The following SH2D1B variants were observed in gnomAD, a reference collection of about 807,000 sequenced individuals.
SH2D1B encodes SH2 domain-containing protein 1B.
Under a neutral mutation model 16.3 loss-of-function variants are expected in SH2D1B, and 11 were observed. The observed-to-expected ratio is 0.67, with a 90% confidence interval of 0.42 to 1.11. The LOEUF (loss-of-function observed/expected upper bound fraction) is 1.11, where lower values mean the gene tolerates loss of function less well. Among genes scored for constraint, SH2D1B ranks in the 50% most tolerant of loss-of-function variants. SH2D1B has a pLI of 0.00. For missense variants in SH2D1B, 123 were observed against 153.1 expected, an observed-to-expected ratio of 0.80 and a Z score of 1.04; for synonymous variants, 55 against 56.1, an observed-to-expected ratio of 0.98 and a Z score of 0.09.
chr1:162,403,502 AAAAAAAAAAATATATATATATATATATAT>A (rs1648574384), intron 1 of SH2D1B, among the ~76,000 whole-genome samples: 1 of 44,302 alleles, frequency 2.3e-5, no homozygotes, highest in Non-Finnish European at 4.5e-5. Flanking sequence ...AAAAAAAAAA[AAAAAAAAAAATATATATATATATATATAT>A]ATATATATAT....
chr1:162,411,749 A>T, intron 1 of SH2D1B, 134 bp downstream of exon 1: 1 of 1,200,456 alleles, frequency 8.3e-7, no homozygotes, highest in Non-Finnish European at 1.2e-6. Flanking sequence ...GGCAGTGTCC[A>T]TTACTTCTCA....
In SH2D1B at chr1:162,399,010, C is replaced by T. The variant is rs748149409; in HGVS notation, c.276G>A (p.Gly92=). The change falls in exon 3 of 4, where the codon GGG becomes GGA. Residue 92 remains glycine (G), a synonymous_variant. Transcript: ENST00000367929. Reference sequence around the variant, plus strand: ...TTGGCTTTAAAAGGTGAACCACCATCCCCTGATTTGGTTTTTCAAATTTGG... The same window carrying T: ...TTGGCTTTAAAAGGTGAACCACCATTCCCTGATTTGGTTTTTCAAATTTGG... ...LISKFEKPNQ[G]MVVHLLKPIK... is the part of the protein sequence containing the mutation. The T allele has an allele frequency of 2.5e-6, 4 of 1,614,102 alleles. No individual in the cohort carries two copies. The South Asian group carries it at 4.4e-5, about 18-fold the overall frequency.
intron 1 of SH2D1B, among the ~76,000 whole-genome samples, chr1:162,407,266 G>C (rs1288586408): frequency 1.3e-5 from 2 of 152,152 alleles, no homozygotes; most frequent in Non-Finnish European, 2.9e-5. Flanking sequence ...TTAAAGCTGG[G>C]TGTCCAGGGG....
At chr1:162,407,010 C>T (rs1648666062) in intron 1 of SH2D1B, among the ~76,000 whole-genome samples, 2 of 152,230 alleles carry the variant, frequency 1.3e-5, no homozygotes, top group African/African-American at 4.8e-5. Context: ...AAAACATTTC[C>T]TGTCCACAGT....
chr1:162,405,178 C>A (rs1238806763), intron 1 of SH2D1B, among the ~76,000 whole-genome samples: 1 of 152,220 alleles, frequency 6.6e-6, no homozygotes, highest in East Asian at 1.9e-4. Context: ...TGACTACATA[C>A]TCTATGATTT....
chr1:162,412,061 C>G lies in SH2D1B; in HGVS notation c.-45G>C. On this transcript the variant is annotated 5_prime_UTR_variant, in exon 1 of 4. Coordinates refer to ENST00000367929, the MANE Select transcript of SH2D1B (RefSeq NM_053282.5). The stretch of plus-strand genomic sequence containing the variant: ...CAGGAAGCCCTGTTGGCCTGAAATT[C>G]ACCCCCAAGTCAAGGGACAGCTCTG... 1.9e-6 allele frequency: 3 copies of G among 1,611,942 alleles called. No individual in the cohort carries two copies. The highest frequency in any genetic ancestry group is 2.5e-6 in the Non-Finnish European group (3 of 1,178,450).
chr1:162,396,989 T>G lies in SH2D1B; in HGVS notation c.*291A>C. The G allele has an allele frequency of 2.6e-6, 1 of 386,814 alleles. No homozygotes were observed. Among genetic ancestry groups the G allele is most frequent in the Non-Finnish European group, 4.9e-6 (1 of 205,342 alleles). 24.0% of individuals were successfully genotyped at this position (386,814 alleles called of 1,614,324 possible). ...GTCCAAAGGAGGGTGTCAACCATGATGTAGGGTGGTACCTTTAACAAGTCA... is the reference window on the plus strand; with the variant it reads ...GTCCAAAGGAGGGTGTCAACCATGAGGTAGGGTGGTACCTTTAACAAGTCA... On this transcript the variant is annotated 3_prime_UTR_variant, in exon 4 of 4. Transcript: ENST00000367929.
rs560320150 is a variant in SH2D1B at position 162,409,366 on chromosome 1, A to G, written c.134+2517T>C. Among the ~76,000 whole-genome samples the G allele has an allele frequency of 2.0e-5, 3 of 152,292 alleles. No homozygotes were observed. In the South Asian group the frequency reaches 6.2e-4, roughly 32 times the overall value. On this transcript the variant is annotated intron_variant, in intron 1 of 3. Coordinates refer to ENST00000367929, the MANE Select transcript of SH2D1B (RefSeq NM_053282.5). ...CTTTTCACTTCCCTGCTCAGAAACC[A>G]TCCATGTTTCCCTGTTATCTATAGA... is the stretch of plus-strand genomic sequence containing the variant.
At chr1:162,402,705 GTGTTGT>G (rs769386626) in intron 2 of SH2D1B, 28 bp downstream of exon 2, 1 of 1,566,980 alleles carries the variant, frequency 6.4e-7, no homozygotes, top group East Asian at 2.2e-5. Flanking sequence ...CCCAACTTTT[GTGTTGT>G]TGTTGTTGTC....
At chr1:162,404,196 T>G (rs1412022755) in intron 1 of SH2D1B, among the ~76,000 whole-genome samples, 2 of 151,998 alleles carry the variant, frequency 1.3e-5, no homozygotes, top group Admixed American at 6.6e-5. Context: ...ATTTGCTGGG[T>G]GTGGTGGCAG....
At chr1:162,400,084 G>A (rs1648475042) in intron 2 of SH2D1B, among the ~76,000 whole-genome samples, 1 of 152,066 alleles carries the variant, frequency 6.6e-6, no homozygotes, top group Non-Finnish European at 1.5e-5. Context: ...GGGCATTTAG[G>A]TTGATTCCAT....
chr1:162,398,836 G>A (rs768913666), intron 3 of SH2D1B, 87 bp downstream of exon 3: 13 of 1,407,540 alleles, frequency 9.2e-6, no homozygotes, highest in Admixed American at 2.2e-5. Flanking sequence ...ACAGAAAAGA[G>A]CATTTGTCTG....
intron 1 of SH2D1B, 105 bp from the exon 2 acceptor site, chr1:162,402,907 A>C: frequency 1.0e-6 from 1 of 954,490 alleles, no homozygotes; most frequent in Non-Finnish European, 1.6e-6. Flanking sequence ...CAATCCTAAA[A>C]AAACTCTTTT....
intron 1 of SH2D1B, among the ~76,000 whole-genome samples, chr1:162,409,471 T>C (rs1462052663): frequency 6.6e-6 from 1 of 152,170 alleles, no homozygotes; most frequent in African/African-American, 2.4e-5. Context: ...TTAGGAACCT[T>C]GTATGTAAAT....
At chr1:162,401,944 AG>A (rs1285468211) in intron 2 of SH2D1B, among the ~76,000 whole-genome samples, 1 of 152,230 alleles carries the variant, frequency 6.6e-6, no homozygotes, top group Non-Finnish European at 1.5e-5. Context: ...TAAATTTAAA[AG>A]AAGCAAAATG....
chr1:162,402,645 T>G (rs1423548093), intron 2 of SH2D1B, 94 bp downstream of exon 2: 1 of 1,058,844 alleles, frequency 9.4e-7, no homozygotes, highest in African/African-American at 1.6e-5. Context: ...TTTAGAATGC[T>G]TTCGCACAGT....
Position 162,402,740 on chromosome 1 carries a change from T to C in SH2D1B, c.197A>G (p.Gln66Arg), listed in dbSNP as rs141838192. 1.9e-4 allele frequency: 302 copies of C among 1,612,878 alleles called. No homozygotes were observed. Among genetic ancestry groups the C allele is most frequent in the Non-Finnish European group, 2.5e-4 (294 of 1,178,972 alleles). Reference protein sequence around the residue: ...FREKHGYYRIQTAEGSPKQVF... With the variant: ...FREKHGYYRIRTAEGSPKQVF... Reference sequence around the variant, plus strand: ...TGTTGTCGTCCTTTTTGTTCTTACCTGTATCCTGTAATACCCGTGTTTCTC... The same window carrying C: ...TGTTGTCGTCCTTTTTGTTCTTACCCGTATCCTGTAATACCCGTGTTTCTC... Residue 66 changes from glutamine (Q) to arginine (R), a missense_variant and splice_region_variant, in exon 2 of 4, where the codon CAG becomes CGG. Coordinates refer to ENST00000367929, the MANE Select transcript of SH2D1B (RefSeq NM_053282.5).
intron 3 of SH2D1B, among the ~76,000 whole-genome samples, 180 bp from the exon 4 acceptor site, chr1:162,397,495 G>T (rs1464558254): frequency 6.6e-6 from 1 of 152,152 alleles, no homozygotes; most frequent in African/African-American, 2.4e-5. Flanking sequence ...CAAAATAGGA[G>T]ATCTCTTTAT....
At position 162,397,116 on chromosome 1, in the gene SH2D1B, G is replaced by A. The variant is rs1349855377; in HGVS notation, c.*164C>T. 3.0e-6 allele frequency: 2 copies of A among 672,550 alleles called. No individual in the cohort carries two copies. The highest frequency in any genetic ancestry group is 3.6e-5 in the African/African-American group (2 of 55,240). 41.7% of individuals were successfully genotyped at this position (672,550 alleles called of 1,614,324 possible). On this transcript the variant is annotated 3_prime_UTR_variant, in exon 4 of 4. Coordinates refer to ENST00000367929, the MANE Select transcript of SH2D1B (RefSeq NM_053282.5). ...TATGTCTGGGAGGCGGGGATGTGGA[G>A]AGTGACCTCTGGTGCTGGTGGGCAG...
Sources: gnomAD v4.1 joint callset for allele counts (sites outside exome capture counted in the v4.1 genomes callset) on GRCh38, gnomAD v4.1.1 for gene constraint, MANE v1.5 for transcripts, NCBI Gene and HGNC (gene_info 2026-07-23, HGNC 2026-07-21) for gene names.